ST18: variants seen among roughly 807,000 people sequenced by gnomAD.
ST18 encodes the protein suppression of tumorigenicity 18 protein.
In ST18, 50 loss-of-function variants were observed where a neutral mutation model predicts 110.0. That is an observed-to-expected ratio of 0.45 (90% CI 0.36 to 0.58). The LOEUF is 0.58. Ranked by LOEUF, ST18 falls within the 20% of genes least tolerant of loss-of-function variation. The pLI is 0.00. For missense variants in ST18, 1,306 were observed against 1,280.1 expected, an observed-to-expected ratio of 1.02 and a Z score of -0.31; for synonymous variants, 461 against 452.4, an observed-to-expected ratio of 1.02 and a Z score of -0.24.
intron 22 of ST18, among the ~76,000 whole-genome samples, chr8:52,130,522 C>T (rs138553735): frequency 6.6e-6 from 1 of 152,334 alleles, no homozygotes; most frequent in Non-Finnish European, 1.5e-5. Context: ...GTTAGTAGAG[C>T]AACACTGCTC....
At chr8:52,220,051 G>C (rs2086042406) in intron 5 of ST18, among the ~76,000 whole-genome samples, 1 of 152,168 alleles carries the variant, frequency 6.6e-6, no homozygotes, top group Admixed American at 6.6e-5. Context: ...CAGAGTCACA[G>C]CTTTGTGACA....
chr8:52,362,950 G>A (rs1212026177), intron 2 of ST18, among the ~76,000 whole-genome samples: 5 of 152,250 alleles, frequency 3.3e-5, no homozygotes, highest in African/African-American at 2.4e-5. Context: ...GGTGGCTCAC[G>A]CCTGTAATCC....
intron 21 of ST18, 85 bp downstream of exon 21, chr8:52,132,972 C>G: frequency 7.0e-7 from 1 of 1,430,174 alleles, no homozygotes; most frequent in South Asian, 1.2e-5. Flanking sequence ...AAACTCAATC[C>G]GTGTTCAATT....
chr8:52,178,481 G>A (rs1359997463), intron 9 of ST18, among the ~76,000 whole-genome samples: 1 of 151,134 alleles, frequency 6.6e-6, no homozygotes, highest in Non-Finnish European at 1.5e-5. Context: ...ACAAAAATTA[G>A]CTGGGTGTGG....
At chr8:52,199,321 G>A (rs969704457) in intron 8 of ST18, 7 of 152,146 alleles carry the variant, frequency 4.6e-5, no homozygotes, top group Admixed American at 2.6e-4. Context: ...CACAGGCAAT[G>A]CTTCAGGGCA....
intron 8 of ST18, among the ~76,000 whole-genome samples, chr8:52,201,851 C>T (rs1001970044): frequency 1.3e-5 from 2 of 152,178 alleles, no homozygotes; most frequent in African/African-American, 4.8e-5. Context: ...TTTTCTCTTC[C>T]CATTTGAAAA....
intron 8 of ST18, among the ~76,000 whole-genome samples, chr8:52,197,804 C>T (rs766019843): frequency 6.6e-6 from 1 of 151,906 alleles, no homozygotes; most frequent in Non-Finnish European, 1.5e-5. Context: ...ACAGACACAG[C>T]ACAACCCTCA....
At chr8:52,324,894 A>T (rs906082334) in intron 2 of ST18, among the ~76,000 whole-genome samples, 3 of 152,216 alleles carry the variant, frequency 2.0e-5, no homozygotes, top group African/African-American at 7.2e-5. Flanking sequence ...TAATGCCCGG[A>T]CATGTTGATC....
chr8:52,229,856 A>G (rs1483716046), intron 3 of ST18, 176 bp downstream of exon 3: 1 of 152,242 alleles, frequency 6.6e-6, no homozygotes. Context: ...CTCCTCAAAA[A>G]TCTATATGAA....
chr8:52,147,441 A>C (rs1311009664), intron 16 of ST18, among the ~76,000 whole-genome samples: 1 of 152,182 alleles, frequency 6.6e-6, no homozygotes, highest in Non-Finnish European at 1.5e-5. Flanking sequence ...TGCTGAGGGC[A>C]CAAAAGTATA....
chr8:52,222,408 G>A (rs937320379), intron 3 of ST18, among the ~76,000 whole-genome samples: 2 of 152,154 alleles, frequency 1.3e-5, no homozygotes, highest in African/African-American at 2.4e-5. Flanking sequence ...CAGCCCGGCC[G>A]TTTGCTGTCA....
chr8:52,159,160 T>A, intron 14 of ST18, 51 bp from the exon 15 acceptor site: 4 of 1,526,974 alleles, frequency 2.6e-6, no homozygotes, highest in Non-Finnish European at 2.7e-6. Context: ...TTTTAGTCAT[T>A]AAACAGATTT....
At chr8:52,270,197 A>G (rs561241556) in intron 2 of ST18, among the ~76,000 whole-genome samples, 1 of 152,336 alleles carries the variant, frequency 6.6e-6, no homozygotes, top group South Asian at 2.1e-4. Context: ...TACATATAAA[A>G]TTTTACCTTT....
At chr8:52,258,780 G>T (rs1481831061) in intron 2 of ST18, among the ~76,000 whole-genome samples, 3 of 152,154 alleles carry the variant, frequency 2.0e-5, no homozygotes, top group African/African-American at 7.2e-5. Flanking sequence ...AGTGGCAAGA[G>T]CAGACACCAT....
Position 52,221,703 on chromosome 8 carries a change from A to T in ST18, c.-328T>A, listed in dbSNP as rs1175259326. 6.6e-6 allele frequency: 1 copy of T among 152,226 alleles called. No individual in the cohort carries two copies. The highest frequency in any genetic ancestry group is 2.4e-5 in the African/African-American group (1 of 41,464). 9.4% of individuals were successfully genotyped at this position (152,226 alleles called of 1,614,324 possible). A position where few individuals can be genotyped will look rare whatever the true frequency, so the allele number is the denominator to read the frequency against. ...CCCTTTGCAGTATATCAAAGTGCTC[A>T]GCTTTTTAATCATAGATTTCTGTGT... On this transcript the variant is annotated 5_prime_UTR_variant, in exon 4 of 26. Coordinates refer to ENST00000689386, the MANE Select transcript of ST18 (RefSeq NM_001352837.2).
In ST18 at chr8:52,133,816, C is replaced by T. The variant is rs533387255; in HGVS notation, c.2301-515G>A. 3.9e-5 allele frequency among the ~76,000 whole-genome samples: 6 copies of T among 152,040 alleles called. No homozygotes were observed. In the East Asian group the frequency reaches 1.2e-3, roughly 29 times the overall value. On this transcript the variant is annotated intron_variant, in intron 19 of 25. Transcript: ENST00000689386. ...TGCGATCTTGGCTTACTGCAACCTCCAACTCCCAGGTTCAAGTGATTCTCC... is the reference window on the plus strand; with the variant it reads ...TGCGATCTTGGCTTACTGCAACCTCTAACTCCCAGGTTCAAGTGATTCTCC...
chr8:52,139,321 A>ATT (rs1374053878), intron 17 of ST18, among the ~76,000 whole-genome samples: 16 of 105,190 alleles, frequency 1.5e-4, no homozygotes, highest in East Asian at 2.5e-4. Context: ...ACAGCATTGC[A>ATT]TTATATATAT....
chr8:52,401,130 C>A (rs889742012), intron 2 of ST18, among the ~76,000 whole-genome samples: 2 of 152,038 alleles, frequency 1.3e-5, no homozygotes, highest in African/African-American at 4.8e-5. Context: ...TCTTTCAGCA[C>A]TTTTAAGTAT....
chr8:52,185,406 GA>G (rs2071654191), intron 8 of ST18, among the ~76,000 whole-genome samples: 1 of 152,090 alleles, frequency 6.6e-6, no homozygotes, highest in Non-Finnish European at 1.5e-5. Flanking sequence ...ATATTTCTTA[GA>G]AGTTTACAAG....
Sources: gnomAD v4.1 joint callset for allele counts (sites outside exome capture counted in the v4.1 genomes callset) on GRCh38, gnomAD v4.1.1 for gene constraint, MANE v1.5 for transcripts, NCBI Gene and HGNC (gene_info 2026-07-23, HGNC 2026-07-21) for gene names.